The following PPP1R12B variants were observed in gnomAD, a reference collection of about 807,000 sequenced individuals.
The protein encoded by PPP1R12B is myosin phosphatase target subunit 2.
In PPP1R12B, 76 loss-of-function variants were observed where a neutral mutation model predicts 126.1. That is an observed-to-expected ratio of 0.60 (90% CI 0.50 to 0.73). PPP1R12B has a LOEUF of 0.73. Ranked by LOEUF, PPP1R12B falls within the 30% of genes least tolerant of loss-of-function variation. The pLI is 0.00. For synonymous variants in PPP1R12B, 356 were observed against 434.7 expected (o/e 0.82, Z 2.25); for missense variants, 1,052 against 1,205.1 (o/e 0.87, Z 1.88).
chr1:202,516,370 T>C (rs1176846637), intron 18 of PPP1R12B, among the ~76,000 whole-genome samples: 1 of 151,974 alleles, frequency 6.6e-6, no homozygotes, highest in Non-Finnish European at 1.5e-5. Flanking sequence ...GAAAGATAAA[T>C]TATAGCTACC....
chr1:202,450,045 GGCATTATTTC>G (rs1313100628), intron 13 of PPP1R12B, among the ~76,000 whole-genome samples: 1 of 152,166 alleles, frequency 6.6e-6, no homozygotes, highest in Non-Finnish European at 1.5e-5. Context: ...ACAATTGTTA[GGCATTATTTC>G]ACCATTTTGT....
chr1:202,576,875 C>T (rs554329300), intron 23 of PPP1R12B: 5 of 151,828 alleles, frequency 3.3e-5, no homozygotes, highest in South Asian at 4.2e-4. Flanking sequence ...AAGGTCACTC[C>T]GAGAGTAAGT....
intron 18 of PPP1R12B, among the ~76,000 whole-genome samples, chr1:202,501,280 C>T (rs1221342332): frequency 6.6e-6 from 1 of 152,104 alleles, no homozygotes; most frequent in Admixed American, 6.6e-5. Flanking sequence ...AGAATGTTTG[C>T]CCTGGAGGGA....
chr1:202,366,505 G>A (rs926382765), intron 1 of PPP1R12B, among the ~76,000 whole-genome samples: 13 of 119,702 alleles, frequency 1.1e-4, no homozygotes, highest in African/African-American at 3.6e-4. Flanking sequence ...GAGACAGAGC[G>A]AGACTCCATC....
chr1:202,375,694 G>A (rs764610967), intron 1 of PPP1R12B, among the ~76,000 whole-genome samples: 3 of 152,206 alleles, frequency 2.0e-5, no homozygotes, highest in Admixed American at 6.5e-5. Context: ...AGGTCTACAG[G>A]TGTGTGCCAC....
rs569925988 is a variant in PPP1R12B, at chr1:202,359,916, G to A, written c.291+10774G>A. ...AGTTTCCCTGATTGTTCACAGGTGT[G>A]TGTGTGTGTGTTTTAACAGTTGGTT... On this transcript the variant is annotated intron_variant, in intron 1 of 23. Transcript: ENST00000608999. Among the ~76,000 whole-genome samples the A allele has an allele frequency of 1.2e-3, 181 of 152,312 alleles. 1 individual carries two copies. The highest frequency in any genetic ancestry group is 1.9e-3 in the Non-Finnish European group (132 of 68,020).
At chr1:202,572,449 T>A (rs914522734) in intron 23 of PPP1R12B, among the ~76,000 whole-genome samples, 1 of 152,190 alleles carries the variant, frequency 6.6e-6, no homozygotes, top group Non-Finnish European at 1.5e-5. Flanking sequence ...CTAACCCAGA[T>A]GTATATGTGG....
intron 18 of PPP1R12B, among the ~76,000 whole-genome samples, chr1:202,541,469 A>G (rs1044334166): frequency 6.6e-6 from 1 of 152,110 alleles, no homozygotes; most frequent in Non-Finnish European, 1.5e-5. Flanking sequence ...CAACACATAG[A>G]CTGGTACCTT....
chr1:202,429,030 T>G, intron 6 of PPP1R12B, 101 bp downstream of exon 6: 3 of 915,142 alleles, frequency 3.3e-6, no homozygotes, highest in Non-Finnish European at 4.9e-6. Flanking sequence ...AGAGTTGAAA[T>G]GGACATATCT....
At chr1:202,423,256 G>T (rs953348468) in intron 3 of PPP1R12B, among the ~76,000 whole-genome samples, 2 of 152,080 alleles carry the variant, frequency 1.3e-5, no homozygotes, top group African/African-American at 4.8e-5. Context: ...TAGGAGAATC[G>T]ATTTCACAGA....
At position 202,349,149 on chromosome 1, in the gene PPP1R12B, C is replaced by T; in HGVS notation, c.291+7C>T. 1 of 1,613,590 alleles carries T rather than the reference C, an allele frequency of 6.2e-7. No homozygotes were observed. Among genetic ancestry groups the T allele is most frequent in the Non-Finnish European group, 8.5e-7 (1 of 1,179,966 alleles). On this transcript the variant is annotated splice_region_variant and intron_variant, in intron 1 of 23. Transcript: ENST00000608999. ...CTTGACAGCCCTGCACCAGGTAACT[C>T]CTTTCTTGGTCTTAGAGGCGTCCAG...
At position 202,581,518 on chromosome 1, in the gene PPP1R12B, A is replaced by G. The variant is rs1016656521; in HGVS notation, c.*958A>G. 2.6e-5 allele frequency: 4 copies of G among 152,198 alleles called. No homozygotes were observed. The highest frequency in any genetic ancestry group is 9.7e-5 in the African/African-American group (4 of 41,450). 9.4% of individuals were successfully genotyped at this position (152,198 alleles called of 1,614,324 possible). A position where few individuals can be genotyped will look rare whatever the true frequency, so the allele number is the denominator to read the frequency against. ...CTTTATAAGAAAATTTGGGCTCTGA[A>G]TACTCCATTCTGCCTCACTTCCTTG... On this transcript the variant is annotated 3_prime_UTR_variant, in exon 24 of 24. Coordinates refer to ENST00000608999, the MANE Select transcript of PPP1R12B (RefSeq NM_002481.4).
At chr1:202,577,141 C>T (rs1171860124) in intron 23 of PPP1R12B, 5 of 152,178 alleles carry the variant, frequency 3.3e-5, no homozygotes, top group Non-Finnish European at 7.3e-5. Context: ...CATTTACCTA[C>T]CAAAAGATTT....
At chr1:202,528,016 C>T (rs1487863958) in intron 18 of PPP1R12B, among the ~76,000 whole-genome samples, 3 of 152,152 alleles carry the variant, frequency 2.0e-5, no homozygotes, top group African/African-American at 4.8e-5. Flanking sequence ...TCTGTGTGGA[C>T]CAGCTTTGCT....
At chr1:202,441,522 T>TGCATTCTA (rs1268571532) in intron 11 of PPP1R12B, among the ~76,000 whole-genome samples, 95 of 152,292 alleles carry the variant, frequency 6.2e-4, no homozygotes, top group African/African-American at 2.1e-3. Context: ...AATTAGAATC[T>TGCATTCTA]GCATTCTAAC....
intron 13 of PPP1R12B, among the ~76,000 whole-genome samples, chr1:202,465,236 G>T (rs561078450): frequency 3.7e-4 from 57 of 152,258 alleles, no homozygotes; most frequent in African/African-American, 1.3e-3. Flanking sequence ...AGGTATTTTG[G>T]ACTTTGAGGC....
intron 18 of PPP1R12B, among the ~76,000 whole-genome samples, chr1:202,554,410 T>C (rs1014700623): frequency 6.6e-6 from 1 of 152,184 alleles, no homozygotes; most frequent in African/African-American, 2.4e-5. Flanking sequence ...AAGGTAACTG[T>C]GTTACTCCTA....
At chr1:202,441,514 T>A (rs1449190062) in intron 11 of PPP1R12B, among the ~76,000 whole-genome samples, 3 of 152,128 alleles carry the variant, frequency 2.0e-5, no homozygotes, top group Non-Finnish European at 4.4e-5. Context: ...ATCTACTGAA[T>A]TAGAATCTGC....
intron 4 of PPP1R12B, 22 bp from the exon 5 acceptor site, chr1:202,427,018 T>C (rs2148651332): frequency 1.2e-6 from 2 of 1,605,558 alleles, no homozygotes; most frequent in Non-Finnish European, 1.7e-6. Context: ...GATATATGTC[T>C]TGTTTTGGGT....
Sources: allele counts gnomAD v4.1 joint callset (sites outside exome capture counted in the v4.1 genomes callset), GRCh38; gene constraint gnomAD v4.1.1; transcripts MANE v1.5; gene names NCBI Gene and HGNC (gene_info 2026-07-23, HGNC 2026-07-21).